The following MACROD2 variants were observed in gnomAD, a reference collection of about 807,000 sequenced individuals.
MACROD2 encodes mono-ADP ribosylhydrolase 2, also known as ADP-ribose glycohydrolase MACROD2.
MACROD2 carries 36 observed loss-of-function variants against 70.4 expected under a neutral mutation model. The observed-to-expected ratio is 0.51, with a 90% confidence interval of 0.39 to 0.68. The LOEUF is 0.68. MACROD2 is among the 30% of genes least tolerant of loss of function. The pLI, the probability that MACROD2 is intolerant of heterozygous loss-of-function variation, is 0.00. For synonymous variants in MACROD2, 172 were observed against 178.8 expected (o/e 0.96, Z 0.30); for missense variants, 496 against 538.4 (o/e 0.92, Z 0.78).
intron 5 of MACROD2, among the ~76,000 whole-genome samples, chr20:15,026,704 C>G (rs182365006): frequency 6.6e-6 from 1 of 152,044 alleles, no homozygotes; most frequent in East Asian, 1.9e-4. Flanking sequence ...GGGAACTCTG[C>G]GGACTGCTGA....
intron 6 of MACROD2, among the ~76,000 whole-genome samples, chr20:15,292,557 G>A (rs2077550317): frequency 6.6e-6 from 1 of 152,148 alleles, no homozygotes; most frequent in Non-Finnish European, 1.5e-5. Flanking sequence ...TCCTGATTTG[G>A]AATATGTAAC....
intron 5 of MACROD2, among the ~76,000 whole-genome samples, chr20:15,218,756 A>G (rs2076832360): frequency 6.6e-6 from 1 of 152,244 alleles, no homozygotes; most frequent in Non-Finnish European, 1.5e-5. Flanking sequence ...GATTGAGCAG[A>G]AAACAATTGC....
chr20:14,883,858 A>C (rs1193471561), intron 5 of MACROD2, among the ~76,000 whole-genome samples: 1 of 152,180 alleles, frequency 6.6e-6, no homozygotes, highest in Admixed American at 6.5e-5. Flanking sequence ...GTTCCAGTAC[A>C]CCCTACCACA....
At chr20:14,742,384 A>AT (rs927329956) in intron 5 of MACROD2, among the ~76,000 whole-genome samples, 1 of 152,078 alleles carries the variant, frequency 6.6e-6, no homozygotes. Flanking sequence ...ACATATAGCC[A>AT]TTTTTCCATA....
At chr20:14,396,846 A>G (rs2083585318) in intron 3 of MACROD2, among the ~76,000 whole-genome samples, 1 of 144,614 alleles carries the variant, frequency 6.9e-6, no homozygotes, top group Non-Finnish European at 1.5e-5. Context: ...AATGGCGTCA[A>G]CCCAGGAGGT....
intron 5 of MACROD2, among the ~76,000 whole-genome samples, chr20:15,118,262 G>A (rs899983364): frequency 2.7e-5 from 4 of 146,486 alleles, no homozygotes; most frequent in African/African-American, 7.6e-5. Flanking sequence ...TTGTGATCTC[G>A]GCTCACTGCA....
intron 15 of MACROD2, among the ~76,000 whole-genome samples, chr20:16,030,260 G>A (rs1238991): frequency 0.66 from 101,125 of 152,078 alleles, 33,867 homozygotes; most frequent in South Asian, 0.83. Flanking sequence ...TGGGCTGGGC[G>A]TGGGATATGC....
chr20:14,966,997 T>G (rs1372841321), intron 5 of MACROD2, among the ~76,000 whole-genome samples: 1 of 151,672 alleles, frequency 6.6e-6, no homozygotes, highest in Non-Finnish European at 1.5e-5. Flanking sequence ...TAATTTATGG[T>G]ATGTGTGTAA....
intron 8 of MACROD2, among the ~76,000 whole-genome samples, chr20:15,779,176 T>C (rs1378609386): frequency 6.6e-6 from 1 of 152,178 alleles, no homozygotes; most frequent in African/African-American, 2.4e-5. Flanking sequence ...TTGGAATTAA[T>C]GCCTCTCTTA....
At chr20:15,369,493 T>C (rs758372283) in intron 6 of MACROD2, among the ~76,000 whole-genome samples, 5 of 152,168 alleles carry the variant, frequency 3.3e-5, no homozygotes, top group Non-Finnish European at 5.9e-5. Flanking sequence ...AAATGTTATG[T>C]TTTATCTCAA....
At chr20:14,713,007 A>G (rs1441200222) in intron 5 of MACROD2, among the ~76,000 whole-genome samples, 1 of 152,222 alleles carries the variant, frequency 6.6e-6, no homozygotes, top group Non-Finnish European at 1.5e-5. Flanking sequence ...CGGAGAAAGA[A>G]GAAAACAGAG....
At chr20:14,049,777 AC>A (rs1364479826) in intron 2 of MACROD2, among the ~76,000 whole-genome samples, 1 of 149,116 alleles carries the variant, frequency 6.7e-6, no homozygotes, top group Non-Finnish European at 1.5e-5. Context: ...AAACAACTAA[AC>A]TAAACAAACA....
intron 5 of MACROD2, among the ~76,000 whole-genome samples, chr20:14,890,971 C>CTTCG (rs1315685317): frequency 2.9e-5 from 4 of 135,730 alleles, no homozygotes; most frequent in African/African-American, 1.2e-4. Context: ...TCCTTCCTTC[C>CTTCG]TTCCTTCCTT....
intron 8 of MACROD2, among the ~76,000 whole-genome samples, chr20:15,629,383 A>G (rs1196038608): frequency 1.3e-5 from 2 of 151,988 alleles, no homozygotes; most frequent in African/African-American, 4.8e-5. Flanking sequence ...TGCTTAACTA[A>G]CTCTCTATGC....
chr20:15,782,835 A>G lies in MACROD2; in HGVS notation c.646-79910A>G, dbSNP rs1189181001. 4.0e-5 allele frequency among the ~76,000 whole-genome samples: 6 copies of G among 149,016 alleles called. No homozygotes were observed. In the South Asian group the frequency reaches 1.3e-3, roughly 32 times the overall value. On this transcript the variant is annotated intron_variant, in intron 8 of 17. Transcript: ENST00000684519. ...AACAGCATTCTTCATTTATATTTGTATTAGTTTCTTTCTCTAGCTCTATAA... is the reference window on the plus strand; with the variant it reads ...AACAGCATTCTTCATTTATATTTGTGTTAGTTTCTTTCTCTAGCTCTATAA...
intron 8 of MACROD2, among the ~76,000 whole-genome samples, chr20:15,548,317 A>G (rs1046218654): frequency 6.6e-6 from 1 of 152,140 alleles, no homozygotes; most frequent in Non-Finnish European, 1.5e-5. Context: ...TAAATTCTCT[A>G]ACACTCCTCC....
At chr20:14,085,784 T>C in intron 3 of MACROD2, 56 bp downstream of exon 3, 1 of 1,010,802 alleles carries the variant, frequency 9.9e-7, no homozygotes, top group Non-Finnish European at 1.4e-6. Context: ...TTTCAAAATT[T>C]TTAAATAAAT....
intron 4 of MACROD2, among the ~76,000 whole-genome samples, chr20:14,528,237 G>A (rs994427415): frequency 6.7e-6 from 1 of 149,742 alleles, no homozygotes; most frequent in South Asian, 2.1e-4. Flanking sequence ...AGCCTCCCAA[G>A]TAGCTGGGAT....
At chr20:16,031,774 A>G (rs2067155141) in intron 15 of MACROD2, among the ~76,000 whole-genome samples, 1 of 152,184 alleles carries the variant, frequency 6.6e-6, no homozygotes, top group Non-Finnish European at 1.5e-5. Flanking sequence ...GTATGTACGT[A>G]TTATAAATAC....
Sources: allele counts gnomAD v4.1 joint callset (sites outside exome capture counted in the v4.1 genomes callset), GRCh38; gene constraint gnomAD v4.1.1; transcripts MANE v1.5; gene names NCBI Gene and HGNC (gene_info 2026-07-23, HGNC 2026-07-21).